The following MOSMO variants were observed in gnomAD, a reference collection of about 807,000 sequenced individuals.
The protein encoded by MOSMO is modulator of smoothened, also known as modulator of smoothened protein.
In MOSMO, 5 loss-of-function variants were observed where a neutral mutation model predicts 18.4. That is an observed-to-expected ratio of 0.27 (90% CI 0.14 to 0.57). MOSMO has a LOEUF of 0.57. MOSMO is among the 20% of genes least tolerant of loss of function. The pLI, the probability that MOSMO is intolerant of heterozygous loss-of-function variation, is 0.92. For missense variants in MOSMO, 138 were observed against 211.8 expected (o/e 0.65, Z 2.16); for synonymous variants, 82 against 82.3 (o/e 1.00, Z 0.02).
chr16:22,035,300 T>G (rs1244582910), intron 1 of MOSMO, among the ~76,000 whole-genome samples: 1 of 151,954 alleles, frequency 6.6e-6, no homozygotes, highest in Non-Finnish European at 1.5e-5. Flanking sequence ...TCCGGTGAAA[T>G]AGTTTCTTTT....
chr16:22,060,969 C>T (rs1900633206), intron 1 of MOSMO, among the ~76,000 whole-genome samples: 1 of 152,006 alleles, frequency 6.6e-6, no homozygotes, highest in Admixed American at 6.6e-5. Context: ...TATGACTAAG[C>T]TTTTCACTCC....
chr16:22,058,439 AAAAAG>A (rs1358678997), intron 1 of MOSMO, among the ~76,000 whole-genome samples: 31 of 152,140 alleles, frequency 2.0e-4, no homozygotes, highest in Non-Finnish European at 3.8e-4. Context: ...AAAAAAAAAA[AAAAAG>A]AAAGAAACAA....
At position 22,083,230 on chromosome 16, in the gene MOSMO, C is replaced by T. The variant is rs1407608394; in HGVS notation, c.*2350C>T. Reference sequence around the variant, plus strand: ...CTGCTAAGAATTTCCCCACTGTTTACTTCTTTCACTTATGGTGGTATTGCA... The same window carrying T: ...CTGCTAAGAATTTCCCCACTGTTTATTTCTTTCACTTATGGTGGTATTGCA... On this transcript the variant is annotated 3_prime_UTR_variant, in exon 3 of 3. Coordinates refer to ENST00000542527, the MANE Select transcript of MOSMO (RefSeq NM_001164579.2). 2 of 152,258 alleles carry T rather than the reference C, an allele frequency of 1.3e-5. No individual in the cohort carries two copies. The highest frequency in any genetic ancestry group is 4.8e-5 in the African/African-American group (2 of 41,446). The allele number at this position is 152,258 out of a possible 1,614,324, so 9.4% of individuals were successfully genotyped here.
intron 1 of MOSMO, among the ~76,000 whole-genome samples, chr16:22,059,471 A>C (rs1900601376): frequency 6.6e-6 from 1 of 152,196 alleles, no homozygotes; most frequent in Admixed American, 6.5e-5. Context: ...GTATTAGTCC[A>C]TTCTCACACT....
rs1248129653 is a variant in MOSMO, at chr16:22,050,893, A to G, written c.107-24594A>G. On this transcript the variant is annotated intron_variant, in intron 1 of 2. Coordinates refer to ENST00000542527, the MANE Select transcript of MOSMO (RefSeq NM_001164579.2). ...GTGAGACTCTGTCTCTTAAGAAAAA[A>G]AAAAAAAAAAAAGTGAATGCTGCTG... Among the ~76,000 whole-genome samples, 12 of 151,334 alleles carry G rather than the reference A, an allele frequency of 7.9e-5. 1 individual carries two copies. The highest frequency in any genetic ancestry group is 7.9e-4 in the Admixed American group (12 of 15,138).
intron 1 of MOSMO, among the ~76,000 whole-genome samples, chr16:22,062,208 CAG>C (rs1284917148): frequency 3.3e-5 from 5 of 151,850 alleles, no homozygotes; most frequent in African/African-American, 1.2e-4. Context: ...GCAAGAGACT[CAG>C]AGGTACTATG....
At chr16:22,013,048 G>A (rs1026729712) in intron 1 of MOSMO, among the ~76,000 whole-genome samples, 9 of 152,058 alleles carry the variant, frequency 5.9e-5, no homozygotes, top group Admixed American at 1.3e-4. Flanking sequence ...GAATACAGTG[G>A]CAAAATTACA....
intron 1 of MOSMO, among the ~76,000 whole-genome samples, chr16:22,070,928 G>A (rs1032369691): frequency 6.6e-6 from 1 of 152,018 alleles, no homozygotes; most frequent in African/African-American, 2.4e-5. Flanking sequence ...CCATCTTCAC[G>A]TGCAATCCAA....
At chr16:22,073,463 AAG>A (rs1282469514) in intron 1 of MOSMO, among the ~76,000 whole-genome samples, 2 of 152,062 alleles carry the variant, frequency 1.3e-5, no homozygotes, top group Non-Finnish European at 2.9e-5. Flanking sequence ...GTTTCCTGTT[AAG>A]AGTTCTCGAG....
chr16:22,033,964 G>A (rs977721600), intron 1 of MOSMO, among the ~76,000 whole-genome samples: 2 of 152,056 alleles, frequency 1.3e-5, no homozygotes, highest in African/African-American at 2.4e-5. Context: ...TGTGAAAAAC[G>A]AACTGGTTTT....
intron 1 of MOSMO, among the ~76,000 whole-genome samples, chr16:22,054,334 G>A (rs992031914): frequency 1.3e-5 from 2 of 152,124 alleles, no homozygotes; most frequent in Admixed American, 6.5e-5. Flanking sequence ...GGGCTCAGGC[G>A]ATCCTCCTTC....
chr16:22,008,863 C>T (rs1899453504), intron 1 of MOSMO, among the ~76,000 whole-genome samples: 1 of 151,708 alleles, frequency 6.6e-6, no homozygotes. Context: ...CGGGGCAGTG[C>T]GGGAGCCACT....
chr16:22,018,693 G>A (rs1899691063), intron 1 of MOSMO, among the ~76,000 whole-genome samples: 1 of 152,134 alleles, frequency 6.6e-6, no homozygotes, highest in Admixed American at 6.5e-5. Context: ...CCTATACCCT[G>A]GGAAGATAAA....
At chr16:22,055,798 G>C (rs1405140072) in intron 1 of MOSMO, among the ~76,000 whole-genome samples, 3 of 152,196 alleles carry the variant, frequency 2.0e-5, no homozygotes, top group Non-Finnish European at 4.4e-5. Flanking sequence ...ATCAGGTTTT[G>C]TAATGGAAAG....
intron 2 of MOSMO, among the ~76,000 whole-genome samples, chr16:22,078,184 C>T (rs2141783923): frequency 6.6e-6 from 1 of 152,192 alleles, no homozygotes; most frequent in East Asian, 1.9e-4. Flanking sequence ...TGATTTCTGA[C>T]TCTCGCCACC....
intron 1 of MOSMO, among the ~76,000 whole-genome samples, chr16:22,008,708 T>A (rs1435050340): frequency 1.4e-5 from 2 of 144,076 alleles, no homozygotes; most frequent in African/African-American, 5.3e-5. Flanking sequence ...AGCCCTCCGA[T>A]GTGAGGGATC....
chr16:22,046,298 A>G (rs1056336478), intron 1 of MOSMO, among the ~76,000 whole-genome samples: 2 of 152,052 alleles, frequency 1.3e-5, no homozygotes, highest in East Asian at 3.8e-4. Context: ...TGTGGTAGTT[A>G]TGTTCTGTAA....
At chr16:22,013,458 T>G (rs1899574699) in intron 1 of MOSMO, among the ~76,000 whole-genome samples, 1 of 152,078 alleles carries the variant, frequency 6.6e-6, no homozygotes, top group Non-Finnish European at 1.5e-5. Context: ...GCTTCTTAAT[T>G]TCACTGTCAC....
chr16:22,052,344 C>T (rs1040656276), intron 1 of MOSMO, among the ~76,000 whole-genome samples: 1 of 152,138 alleles, frequency 6.6e-6, no homozygotes, highest in East Asian at 1.9e-4. Context: ...AATTGCCAGG[C>T]ACAGACAGTA....
Sources: allele counts gnomAD v4.1 joint callset (sites outside exome capture counted in the v4.1 genomes callset), GRCh38; gene constraint gnomAD v4.1.1; transcripts MANE v1.5; gene names NCBI Gene and HGNC (gene_info 2026-07-23, HGNC 2026-07-21).